Variants in COG7 observed in about 807,000 individuals in gnomAD.
The protein encoded by COG7 is component of oligomeric golgi complex 7.
In COG7, 49 loss-of-function variants were observed where a neutral mutation model predicts 91.5. The ratio of observed to expected loss-of-function variants is 0.54; its 90% CI spans 0.43 to 0.68. The LOEUF is 0.68. Among genes scored for constraint, COG7 ranks in the 30% least tolerant of loss-of-function variants. The pLI is 0.00. For missense variants in COG7, 895 were observed against 961.3 expected, an observed-to-expected ratio of 0.93 and a Z score of 0.91; for synonymous variants, 365 against 388.7, an observed-to-expected ratio of 0.94 and a Z score of 0.72.
In COG7 at chr16:23,405,985, C is replaced by G. The variant is rs1963453882; in HGVS notation, c.1662+91G>C. 3.3e-6 allele frequency: 4 copies of G among 1,215,338 alleles called. No individual in the cohort carries two copies. The South Asian group carries it at 3.6e-5, about 11-fold the overall frequency. The allele number at this position is 1,215,338 out of a possible 1,614,324, so 75.3% of individuals were successfully genotyped here. ...GGGTACGTCACAGCCCAGGGCCACA[C>G]ACAGGGCCCGCCTGTAACCCAGAGA... On this transcript the variant is annotated intron_variant, in intron 12 of 16. Coordinates refer to ENST00000307149, the MANE Select transcript of COG7 (RefSeq NM_153603.4).
intron 11 of COG7, among the ~76,000 whole-genome samples, chr16:23,409,173 C>G (rs1567333543): frequency 6.6e-6 from 1 of 151,876 alleles, no homozygotes; most frequent in Non-Finnish European, 1.5e-5. Context: ...ACCAGCAGCA[C>G]CTAGACTCCT....
intron 1 of COG7, among the ~76,000 whole-genome samples, chr16:23,451,276 T>C (rs1045035841): frequency 4.2e-4 from 64 of 152,206 alleles, no homozygotes; most frequent in Non-Finnish European, 1.9e-4. Flanking sequence ...GGTCTTTCCA[T>C]CTGAGCCTAG....
At chr16:23,419,501 C>A (rs1049283835) in intron 7 of COG7, among the ~76,000 whole-genome samples, 5 of 151,578 alleles carry the variant, frequency 3.3e-5, no homozygotes, top group African/African-American at 1.2e-4. Context: ...GTAATCCCAG[C>A]ACTTTGGGAA....
intron 12 of COG7, among the ~76,000 whole-genome samples, chr16:23,405,432 G>A (rs1487128740): frequency 6.6e-6 from 1 of 152,036 alleles, no homozygotes; most frequent in Admixed American, 6.5e-5. Context: ...GTCCAGCTCT[G>A]TCTGACCGGC....
chr16:23,443,640 C>T (rs1203416366), intron 3 of COG7, among the ~76,000 whole-genome samples: 1 of 151,676 alleles, frequency 6.6e-6, no homozygotes, highest in Non-Finnish European at 1.5e-5. Context: ...TGCAGTGAGC[C>T]GAGATCATGC....
intron 16 of COG7, chr16:23,392,011 T>C: frequency 8.4e-7 from 1 of 1,197,482 alleles, no homozygotes; most frequent in Non-Finnish European, 1.1e-6. Flanking sequence ...GAGTGCTTGG[T>C]CCAGCGCCAG....
chr16:23,424,072 G>A (rs567518158), intron 7 of COG7, among the ~76,000 whole-genome samples: 66 of 152,180 alleles, frequency 4.3e-4, no homozygotes, highest in African/African-American at 1.5e-3. Flanking sequence ...AGGCCGAGGC[G>A]GGCAGATCAC....
intron 6 of COG7, among the ~76,000 whole-genome samples, chr16:23,429,549 A>C (rs112850273): frequency 1.3e-5 from 2 of 152,166 alleles, no homozygotes; most frequent in African/African-American, 4.8e-5. Flanking sequence ...AGATCACCTG[A>C]GGTCAGGAGT....
In COG7 at chr16:23,441,624, G is replaced by A. The variant is rs180836698; in HGVS notation, c.604+853C>T. On this transcript the variant is annotated intron_variant, in intron 4 of 16. Coordinates refer to ENST00000307149, the MANE Select transcript of COG7 (RefSeq NM_153603.4). Reference sequence around the variant, plus strand: ...CACACAGCAAAGCCCATCCATTTACGAGTGGGCTTTTGTGCCACAACTGCA... The same window carrying A: ...CACACAGCAAAGCCCATCCATTTACAAGTGGGCTTTTGTGCCACAACTGCA... 3.9e-5 allele frequency among the ~76,000 whole-genome samples: 6 copies of A among 152,218 alleles called. No individual in the cohort carries two copies. The East Asian group carries it at 7.7e-4, about 20-fold the overall frequency.
intron 9 of COG7, 103 bp downstream of exon 9, chr16:23,416,864 T>C: frequency 1.5e-6 from 2 of 1,355,354 alleles, no homozygotes; most frequent in East Asian, 4.8e-5. Context: ...CAGGTGCAAG[T>C]GTTTCCCAGG....
intron 4 of COG7, among the ~76,000 whole-genome samples, chr16:23,439,295 C>T (rs1009814542): frequency 1.3e-4 from 15 of 117,350 alleles, no homozygotes; most frequent in Non-Finnish European, 2.1e-4. Context: ...CAGAGTTAAA[C>T]TGTGTCTCCA....
At chr16:23,426,820 A>C (rs1963854161) in intron 6 of COG7, among the ~76,000 whole-genome samples, 1 of 139,010 alleles carries the variant, frequency 7.2e-6, no homozygotes, top group African/African-American at 2.6e-5. Context: ...CAATTGGACA[A>C]AAAAAAAAAA....
intron 7 of COG7, 82 bp from the exon 8 acceptor site, chr16:23,418,909 C>T (rs1963703356): frequency 1.1e-5 from 14 of 1,278,916 alleles, no homozygotes; most frequent in Non-Finnish European, 1.5e-5. Flanking sequence ...AAGAGGCGCT[C>T]TACTAGAACT....
chr16:23,411,581 C>T (rs902941925), intron 10 of COG7, among the ~76,000 whole-genome samples: 2 of 152,076 alleles, frequency 1.3e-5, no homozygotes, highest in Admixed American at 6.6e-5. Context: ...CGTGTGTCAT[C>T]GTGGTTTGCT....
At chr16:23,451,360 G>A (rs1964262684) in intron 1 of COG7, among the ~76,000 whole-genome samples, 1 of 152,128 alleles carries the variant, frequency 6.6e-6, no homozygotes, top group African/African-American at 2.4e-5. Context: ...AAGTCAAGTT[G>A]AGGAGTTACA....
chr16:23,423,114 C>T (rs1029887172), intron 7 of COG7, among the ~76,000 whole-genome samples: 2 of 151,196 alleles, frequency 1.3e-5, no homozygotes, highest in East Asian at 3.9e-4. Flanking sequence ...TGCTGTAATC[C>T]CAGCACTTCA....
At chr16:23,437,978 G>A (rs535356474) in intron 4 of COG7, among the ~76,000 whole-genome samples, 8 of 151,768 alleles carry the variant, frequency 5.3e-5, no homozygotes, top group Admixed American at 1.3e-4. Flanking sequence ...CCAGCTACTC[G>A]GGAAGCTGAG....
At chr16:23,389,759 T>C (rs910747259) in intron 16 of COG7, 1 of 152,942 alleles carries the variant, frequency 6.5e-6, no homozygotes, top group African/African-American at 2.4e-5. Flanking sequence ...TACAATCGGA[T>C]ACAGATTTCT....
At chr16:23,444,112 T>G (rs1424893513) in intron 3 of COG7, among the ~76,000 whole-genome samples, 1 of 150,618 alleles carries the variant, frequency 6.6e-6, no homozygotes, top group African/African-American at 2.4e-5. Flanking sequence ...TACTCCAGCC[T>G]GGGCTTCAGA....
Sources: gnomAD v4.1 joint callset for allele counts (sites outside exome capture counted in the v4.1 genomes callset) on GRCh38, gnomAD v4.1.1 for gene constraint, MANE v1.5 for transcripts, NCBI Gene and HGNC (gene_info 2026-07-23, HGNC 2026-07-21) for gene names.